Variants in HLA-DMA observed in about 807,000 individuals in gnomAD.
The protein encoded by HLA-DMA is major histocompatibility complex, class II, DM alpha.
In HLA-DMA, 20 loss-of-function variants were observed where a neutral mutation model predicts 27.3. The observed-to-expected ratio is 0.73, with a 90% CI of 0.52 to 1.07. The LOEUF (loss-of-function observed/expected upper bound fraction) is 1.07, where lower values mean the gene tolerates loss of function less well. Ranked by LOEUF, HLA-DMA falls within the 50% of genes least tolerant of loss-of-function variation. HLA-DMA has a pLI of 0.00. For synonymous variants in HLA-DMA, 111 were observed against 126.8 expected, an observed-to-expected ratio of 0.88 and a Z score of 0.83; for missense variants, 241 against 321.7, an observed-to-expected ratio of 0.75 and a Z score of 1.92.
intron 1 of HLA-DMA, 105 bp downstream of exon 1, chr6:32,952,844 T>G (rs1484495732): frequency 3.8e-6 from 3 of 798,050 alleles, no homozygotes; most frequent in African/African-American, 3.4e-5. Flanking sequence ...TTGTTTCCAC[T>G]GCCTCATAAG....
chr6:32,949,574 C>T lies in HLA-DMA; in HGVS notation c.652+37G>A, dbSNP rs1776798635. On this transcript the variant is annotated intron_variant, in intron 3 of 4. Coordinates refer to ENST00000374843, the MANE Select transcript of HLA-DMA (RefSeq NM_006120.4). This position sits in a 1 kb window ranked among gnomAD's most constrained non-coding sequence, Gnocchi z 5.8. The stretch of plus-strand genomic sequence containing the variant: ...CTCCCATGGATCTATCCCTTTTTGC[C>T]CCCAAAAGGACCAGAATTCCAGGGA... 1.9e-6 allele frequency: 3 copies of T among 1,604,254 alleles called. No homozygotes were observed. Among genetic ancestry groups the T allele is most frequent in the Non-Finnish European group, 2.6e-6 (3 of 1,176,190 alleles).
At position 32,950,693 on chromosome 6, in the gene HLA-DMA, G is replaced by C; in HGVS notation, c.199C>G (p.Gln67Glu). 1 of 1,613,084 alleles carries C rather than the reference G, an allele frequency of 6.2e-7. No individual in the cohort carries two copies. Among genetic ancestry groups the C allele is most frequent in the Non-Finnish European group, 8.5e-7 (1 of 1,180,044 alleles). The change falls in exon 2 of 5, where the codon CAG becomes GAG. Residue 67 changes from glutamine to glutamate, a missense_variant. Gln to Glu is a conservative substitution (Grantham distance 29). Coordinates refer to ENST00000374843, the MANE Select transcript of HLA-DMA (RefSeq NM_006120.4). The surrounding 1 kb of genome is among the most constrained non-coding windows in gnomAD (Gnocchi z 5.0). ...TGGGAAAAGTCGAAGAAGAAAAGCTGGTCCTCGTCGTAGGCCTCAGAGAGT... is the reference window on the plus strand; with the variant it reads ...TGGGAAAAGTCGAAGAAGAAAAGCTCGTCCTCGTCGTAGGCCTCAGAGAGT... The part of the protein sequence containing the change: ...VGLSEAYDED[Q>E]LFFFDFSQNT...
chr6:32,948,939 T>C (rs1011526382), intron 4 of HLA-DMA, 71 bp from the exon 5 acceptor site: 6 of 1,554,272 alleles, frequency 3.9e-6, no homozygotes, highest in Admixed American at 3.5e-5. Flanking sequence ...CTCCTCCTCC[T>C]CCCCCACAAA....
chr6:32,950,398 G>A lies in HLA-DMA; in HGVS notation c.373+121C>T. 8.0e-7 allele frequency: 1 copy of A among 1,245,154 alleles called. No homozygotes were observed. Among genetic ancestry groups the A allele is most frequent in the Non-Finnish European group, 1.1e-6 (1 of 876,672 alleles). The allele number at this position is 1,245,154 out of a possible 1,614,324, so 77.1% of individuals were successfully genotyped here. Reference sequence around the variant, plus strand: ...GACCAAGGCTGGTGGAAAAATTAAGGTGATGAAGAGAACCAGAAAGTATTT... The same window carrying A: ...GACCAAGGCTGGTGGAAAAATTAAGATGATGAAGAGAACCAGAAAGTATTT... On this transcript the variant is annotated intron_variant, in intron 2 of 4. Transcript: ENST00000374843. This position sits in a 1 kb window ranked among gnomAD's most constrained non-coding sequence, Gnocchi z 5.0.
At chr6:32,951,822 G>T (rs1776913806) in intron 1 of HLA-DMA, among the ~76,000 whole-genome samples, 1 of 151,346 alleles carries the variant, frequency 6.6e-6, no homozygotes, top group Non-Finnish European at 1.5e-5. Context: ...CCAGCTACTT[G>T]GGAGGCTGAG....
At chr6:32,951,455 C>A (rs948789069) in intron 1 of HLA-DMA, among the ~76,000 whole-genome samples, 4 of 131,916 alleles carry the variant, frequency 3.0e-5, no homozygotes, top group African/African-American at 1.1e-4. Context: ...CACAGCGAGA[C>A]CCTGTCTCTA....
Position 32,950,475 on chromosome 6 carries a change from G to T in HLA-DMA, c.373+44C>A. On this transcript the variant is annotated intron_variant, in intron 2 of 4. Transcript: ENST00000374843. This position sits in a 1 kb window ranked among gnomAD's most constrained non-coding sequence, Gnocchi z 5.0. Reference sequence around the variant, plus strand: ...ATTATTCAGTGTACAGATCAATGAGGTTAATGCAGCCCTCCTCCCTTCACT... The same window carrying T: ...ATTATTCAGTGTACAGATCAATGAGTTTAATGCAGCCCTCCTCCCTTCACT... 6.2e-7 allele frequency: 1 copy of T among 1,600,060 alleles called. No homozygotes were observed. Among genetic ancestry groups the T allele is most frequent in the East Asian group, 2.2e-5 (1 of 44,824 alleles).
chr6:32,950,748 C>T lies in HLA-DMA; in HGVS notation c.144G>A (p.Val48=). 1 of 1,613,072 alleles carries T rather than the reference C, an allele frequency of 6.2e-7. No homozygotes were observed. Among genetic ancestry groups the T allele is most frequent in the Non-Finnish European group, 8.5e-7 (1 of 1,180,022 alleles). Residue 48 remains valine, a synonymous_variant, in exon 2 of 5, where the codon GTG becomes GTA. Transcript: ENST00000374843. The surrounding 1 kb of genome is among the most constrained non-coding windows in gnomAD (Gnocchi z 5.0). ...DLQNHTFLHT[V]YCQDGSPSVG... is the part of the protein sequence containing the mutation. ...CACTGGGACTCCCATCCTGGCAGTA[C>T]ACTGTGTGCAGGAATGTGTGGTTTT...
chr6:32,950,112 A>C lies in HLA-DMA; in HGVS notation c.374-223T>G. 1.7e-6 allele frequency: 1 copy of C among 603,126 alleles called. No individual in the cohort carries two copies. The highest frequency in any genetic ancestry group is 2.9e-6 in the Non-Finnish European group (1 of 341,776). The allele number at this position is 603,126 out of a possible 1,614,324, so 37.4% of individuals were successfully genotyped here. A position where few individuals can be genotyped will look rare whatever the true frequency, so the allele number is the denominator to read the frequency against. ...CAGAGCCAGATCCAGGCTACTCTGG[A>C]CCCCTCCACCATGACTTCCTTCAGC... On this transcript the variant is annotated intron_variant, in intron 2 of 4. Coordinates refer to ENST00000374843, the MANE Select transcript of HLA-DMA (RefSeq NM_006120.4). The surrounding 1 kb of genome is among the most constrained non-coding windows in gnomAD (Gnocchi z 5.0).
intron 1 of HLA-DMA, chr6:32,952,232 T>C (rs1776934349): frequency 1.6e-5 from 7 of 442,158 alleles, no homozygotes; most frequent in South Asian, 8.3e-5. Context: ...CCCCAAGCCA[T>C]AGATGGGACT....
At chr6:32,952,476 C>T (rs1231583200) in intron 1 of HLA-DMA, 7 of 466,918 alleles carry the variant, frequency 1.5e-5, no homozygotes, top group Non-Finnish European at 3.1e-5. Flanking sequence ...AACCCAATAC[C>T]CAGAAAAACA....
At position 32,952,952 on chromosome 6, in the gene HLA-DMA, C is replaced by G; in HGVS notation, c.85G>C (p.Glu29Gln). The stretch of plus-strand genomic sequence containing the variant: ...GTAAATAGGAGTACCATCTTACCTT[C>G]AGGGACGGCCCAGGAGTGGGGTAGC... ...WLLPHSWAVP[E>Q]APTPMWPDDL... Residue 29 changes from glutamate (E) to glutamine (Q), a missense_variant, in exon 1 of 5, where the codon GAA becomes CAA. Transcript: ENST00000374843. 3.1e-6 allele frequency: 5 copies of G among 1,611,460 alleles called. 1 individual carries two copies. Among genetic ancestry groups the G allele is most frequent in the South Asian group, 2.2e-5 (2 of 91,032 alleles).
At position 32,952,932 on chromosome 6, in the gene HLA-DMA, T is replaced by C. The variant is rs1345191005; in HGVS notation, c.88+17A>G. 8 of 1,591,704 alleles carry C rather than the reference T, an allele frequency of 5.0e-6. No individual in the cohort carries two copies. In the East Asian group the frequency reaches 6.7e-5, roughly 13 times the overall value. ...TCCCTAGGTTCAGGATGGAAGTAAA[T>C]AGGAGTACCATCTTACCTTCAGGGA... is the stretch of plus-strand genomic sequence containing the variant. On this transcript the variant is annotated intron_variant, in intron 1 of 4. Coordinates refer to ENST00000374843, the MANE Select transcript of HLA-DMA (RefSeq NM_006120.4).
At position 32,949,802 on chromosome 6, in the gene HLA-DMA, G is replaced by C; in HGVS notation, c.461C>G (p.Pro154Arg). 1 of 1,612,962 alleles carries C rather than the reference G, an allele frequency of 6.2e-7. No homozygotes were observed. The highest frequency in any genetic ancestry group is 2.2e-5 in the East Asian group (1 of 44,894). ...TLVCFVSNLF[P>R]PMLTVNWQHH... ...CTGCCAGTTCACTGTCAGCATGGGT[G>C]GGAAGAGATTACTGACAAAACAGAC... The change falls in exon 3 of 5, where the codon CCA (proline) becomes CGA (arginine). Residue 154 changes from proline to arginine, a missense_variant. Transcript: ENST00000374843. This position sits in a 1 kb window ranked among gnomAD's most constrained non-coding sequence, Gnocchi z 5.8.
Position 32,950,628 on chromosome 6 carries a change from C to T in HLA-DMA, c.264G>A (p.Trp88Ter). The T allele has an allele frequency of 1.9e-6, 3 of 1,613,016 alleles. No homozygotes were observed. Among genetic ancestry groups the T allele is most frequent in the Non-Finnish European group, 2.5e-6 (3 of 1,180,020 alleles). The change falls in exon 2 of 5, where the codon TGG becomes TGA. Residue 88 changes from tryptophan (W) to a stop codon, truncating the protein, a stop_gained. Transcript: ENST00000374843. LOFTEE classifies it high-confidence loss of function. This position sits in a 1 kb window ranked among gnomAD's most constrained non-coding sequence, Gnocchi z 5.0. ...CAGGAGCATCTCCCTGTTCCTGAGCCCAGTCAGCAAATTCGGGCAGGCGAG... is the reference window on the plus strand; with the variant it reads ...CAGGAGCATCTCCCTGTTCCTGAGCTCAGTCAGCAAATTCGGGCAGGCGAG... ...RVPRLPEFAD[W>*]AQEQGDAPAI...
chr6:32,952,851 T>C (rs1232542502), intron 1 of HLA-DMA, 98 bp downstream of exon 1: 1 of 877,282 alleles, frequency 1.1e-6, no homozygotes, highest in Non-Finnish European at 1.9e-6. Context: ...CACTGCCTCA[T>C]AAGACTTCCC....
At position 32,949,374 on chromosome 6, in the gene HLA-DMA, A is replaced by C; in HGVS notation, c.678T>G (p.Asp226Glu). 5.0e-6 allele frequency: 8 copies of C among 1,614,160 alleles called. No homozygotes were observed. Among genetic ancestry groups the C allele is most frequent in the Non-Finnish European group, 6.8e-6 (8 of 1,180,004 alleles). Residue 226 changes from aspartate to glutamate, a missense_variant, in exon 4 of 5, where the codon GAT becomes GAG. Coordinates refer to ENST00000374843, the MANE Select transcript of HLA-DMA (RefSeq NM_006120.4). This position sits in a 1 kb window ranked among gnomAD's most constrained non-coding sequence, Gnocchi z 5.8. The part of the protein sequence containing the change: ...YWVPRNALPS[D>E]LLENVLCGVA... ...CGCCACACAGCACATTCTCCAGCAG[A>C]TCTGAGGGCAGTGCGTTCCGGGGTA... is the stretch of plus-strand genomic sequence containing the variant.
At position 32,950,350 on chromosome 6, in the gene HLA-DMA, C is replaced by A; in HGVS notation, c.373+169G>T. ...CCTACTACATGCTAGGTACTTCGGC[C>A]CACCAAAAGAACACAGGGTGCAGAC... is the stretch of plus-strand genomic sequence containing the variant. On this transcript the variant is annotated intron_variant, in intron 2 of 4. Coordinates refer to ENST00000374843, the MANE Select transcript of HLA-DMA (RefSeq NM_006120.4). This position sits in a 1 kb window ranked among gnomAD's most constrained non-coding sequence, Gnocchi z 5.0. 1 of 804,542 alleles carries A rather than the reference C, an allele frequency of 1.2e-6. No homozygotes were observed. The highest frequency in any genetic ancestry group is 2.0e-6 in the Non-Finnish European group (1 of 489,298). The allele number at this position is 804,542 out of a possible 1,614,324, so 49.8% of individuals were successfully genotyped here.
chr6:32,950,413 A>C lies in HLA-DMA; in HGVS notation c.373+106T>G. 7.3e-7 allele frequency: 1 copy of C among 1,365,172 alleles called. No homozygotes were observed. Among genetic ancestry groups the C allele is most frequent in the African/African-American group, 1.4e-5 (1 of 69,386 alleles). The allele number at this position is 1,365,172 out of a possible 1,614,324, so 84.6% of individuals were successfully genotyped here. A position where few individuals can be genotyped will look rare whatever the true frequency, so the allele number is the denominator to read the frequency against. On this transcript the variant is annotated intron_variant, in intron 2 of 4. Transcript: ENST00000374843. The surrounding 1 kb of genome is among the most constrained non-coding windows in gnomAD (Gnocchi z 5.0). Reference sequence around the variant, plus strand: ...AAAAATTAAGGTGATGAAGAGAACCAGAAAGTATTTGAGATGGGGAGCTGG... The same window carrying C: ...AAAAATTAAGGTGATGAAGAGAACCCGAAAGTATTTGAGATGGGGAGCTGG...
Sources: gnomAD v4.1 joint callset for allele counts (sites outside exome capture counted in the v4.1 genomes callset) on GRCh38, gnomAD v4.1.1 for gene constraint, Gnocchi (gnomAD v3.1) non-coding constraint, MANE v1.5 for transcripts, NCBI Gene and HGNC (gene_info 2026-07-23, HGNC 2026-07-21) for gene names.